Variants in ASCC1 observed in about 807,000 individuals in gnomAD.
ASCC1 encodes ASC-1 complex subunit P50.
ASCC1 carries 35 observed loss-of-function variants against 46.6 expected under a neutral mutation model. That is an observed-to-expected ratio of 0.75 (90% confidence interval 0.57 to 0.99). ASCC1 has a LOEUF of 0.99. ASCC1 is among the 50% of genes least tolerant of loss of function. The pLI, the probability that ASCC1 is intolerant of heterozygous loss-of-function variation, is 0.00. For synonymous variants in ASCC1, 143 were observed against 146.6 expected, an observed-to-expected ratio of 0.98 and a Z score of 0.18; for missense variants, 376 against 428.7, an observed-to-expected ratio of 0.88 and a Z score of 1.09.
At chr10:72,189,757 G>T (rs1347579871) in intron 5 of ASCC1, among the ~76,000 whole-genome samples, 1 of 133,938 alleles carries the variant, frequency 7.5e-6, no homozygotes, top group Non-Finnish European at 1.5e-5. Context: ...AGCCGAGATC[G>T]CACCACTGCA....
intron 9 of ASCC1, among the ~76,000 whole-genome samples, chr10:72,100,764 C>T (rs571418922): frequency 2.6e-5 from 4 of 152,144 alleles, no homozygotes; most frequent in Admixed American, 2.0e-4. Flanking sequence ...ATAAGCCCTA[C>T]AGAGGAAGAA....
intron 7 of ASCC1, among the ~76,000 whole-genome samples, chr10:72,149,331 A>G (rs1446164291): frequency 1.3e-5 from 2 of 150,284 alleles, no homozygotes; most frequent in African/African-American, 2.4e-5. Flanking sequence ...TCAGCTACTC[A>G]GGAGGCTGAG....
intron 8 of ASCC1, among the ~76,000 whole-genome samples, chr10:72,132,228 C>T (rs977506888): frequency 2.0e-5 from 3 of 152,042 alleles, no homozygotes; most frequent in Middle Eastern, 3.2e-3. Flanking sequence ...AACCGGAATA[C>T]GTGACCTTGG....
intron 5 of ASCC1, among the ~76,000 whole-genome samples, chr10:72,172,964 A>ATAT (rs1273940189): frequency 9.5e-5 from 13 of 136,754 alleles, no homozygotes; most frequent in African/African-American, 3.5e-4. Flanking sequence ...TTATATTTTT[A>ATAT]TATATGTTAT....
At chr10:72,180,698 C>CA (rs111609131) in intron 5 of ASCC1, among the ~76,000 whole-genome samples, 22,630 of 147,210 alleles carry the variant, frequency 0.15, 4,334 homozygotes, top group African/African-American at 0.45. Flanking sequence ...TTAGACACTT[C>CA]AAAAAAAAAA....
At chr10:72,100,275 C>T (rs995362642) in intron 9 of ASCC1, among the ~76,000 whole-genome samples, 1 of 151,334 alleles carries the variant, frequency 6.6e-6, no homozygotes, top group East Asian at 1.9e-4. Context: ...GTCACCCCGG[C>T]TGGAGTGCAG....
intron 5 of ASCC1, among the ~76,000 whole-genome samples, chr10:72,173,769 G>A (rs901975196): frequency 2.6e-5 from 4 of 152,116 alleles, no homozygotes; most frequent in African/African-American, 9.7e-5. Context: ...TCATATTCCT[G>A]CCCCAAGCCC....
intron 2 of ASCC1, among the ~76,000 whole-genome samples, chr10:72,211,242 C>T (rs1034944274): frequency 2.6e-5 from 4 of 152,140 alleles, no homozygotes; most frequent in African/African-American, 7.2e-5. Flanking sequence ...TATAATTGTT[C>T]TATTTTGTTA....
chr10:72,147,257 C>T (rs895393468), intron 7 of ASCC1, among the ~76,000 whole-genome samples: 1 of 151,630 alleles, frequency 6.6e-6, no homozygotes, highest in South Asian at 2.1e-4. Flanking sequence ...TTTCACAACA[C>T]CTTTTATTTT....
intron 6 of ASCC1, among the ~76,000 whole-genome samples, chr10:72,154,292 A>T (rs1848698166): frequency 6.6e-6 from 1 of 152,158 alleles, no homozygotes; most frequent in Non-Finnish European, 1.5e-5. Flanking sequence ...AATGGCTGCT[A>T]AAACTTGGGC....
chr10:72,207,696 A>C (rs1007643779), intron 3 of ASCC1, among the ~76,000 whole-genome samples: 22 of 152,228 alleles, frequency 1.4e-4, no homozygotes, highest in African/African-American at 4.8e-4. Context: ...AGCATGAGAC[A>C]TAACCCATGG....
At chr10:72,121,806 TTAAC>T (rs1269736286) in intron 9 of ASCC1, among the ~76,000 whole-genome samples, 6 of 152,152 alleles carry the variant, frequency 3.9e-5, no homozygotes, top group Non-Finnish European at 7.4e-5. Flanking sequence ...GTTGGAGACT[TTAAC>T]TAACCCCATG....
intron 9 of ASCC1, among the ~76,000 whole-genome samples, chr10:72,104,885 G>A (rs148167195): frequency 5.3e-5 from 8 of 152,208 alleles, no homozygotes; most frequent in South Asian, 2.1e-4. Flanking sequence ...CACACCGGGC[G>A]GGGTGACTTA....
In ASCC1 at chr10:72,102,422, A is replaced by C. The variant is rs919361194; in HGVS notation, c.958-4972T>G. ...TATGCATCAGAGACACCTGTAGCAC[A>C]GTTAAGTGGAAACAGATCACTATAA... On this transcript the variant is annotated intron_variant, in intron 9 of 9. Transcript: ENST00000672957. The C allele has an allele frequency of 2.4e-5, 37 of 1,548,092 alleles. No homozygotes were observed. The highest frequency in any genetic ancestry group is 3.1e-5 in the Non-Finnish European group (36 of 1,144,938).
intron 5 of ASCC1, among the ~76,000 whole-genome samples, chr10:72,163,173 A>G (rs541243249): frequency 1.3e-5 from 2 of 152,290 alleles, no homozygotes; most frequent in East Asian, 3.9e-4. Context: ...GTTGCTAGGA[A>G]GGTAAAATGA....
chr10:72,133,423 A>C (rs1301032729), intron 7 of ASCC1: 2 of 481,840 alleles, frequency 4.2e-6, no homozygotes, highest in African/African-American at 2.0e-5. Flanking sequence ...GCGTGAAGGG[A>C]GTGATCAACT....
chr10:72,203,201 G>A (rs1248919836), intron 4 of ASCC1, among the ~76,000 whole-genome samples: 5 of 151,128 alleles, frequency 3.3e-5, no homozygotes, highest in East Asian at 3.9e-4. Context: ...CAGGAGAATC[G>A]CTTGATTCCG....
chr10:72,165,789 C>T (rs1167773332), intron 5 of ASCC1, among the ~76,000 whole-genome samples: 1 of 152,168 alleles, frequency 6.6e-6, no homozygotes. Context: ...CTTATCACCC[C>T]AGCTTCTCTA....
intron 6 of ASCC1, among the ~76,000 whole-genome samples, chr10:72,158,129 CCT>C (rs1396038945): frequency 3.3e-5 from 5 of 152,156 alleles, no homozygotes; most frequent in Non-Finnish European, 2.9e-5. Flanking sequence ...TCAACCCACC[CCT>C]GAGATTTATC....
Sources: allele counts gnomAD v4.1 joint callset (sites outside exome capture counted in the v4.1 genomes callset), GRCh38; gene constraint gnomAD v4.1.1; transcripts MANE v1.5; gene names NCBI Gene and HGNC (gene_info 2026-07-23, HGNC 2026-07-21).